Variants in HLF observed in about 807,000 individuals in gnomAD.
HLF encodes HLF transcription factor, PAR bZIP family member.
HLF carries 3 observed loss-of-function variants against 22.6 expected under a neutral mutation model. That is an observed-to-expected ratio of 0.13 (90% CI 0.06 to 0.34). The LOEUF (loss-of-function observed/expected upper bound fraction) is 0.34, where lower values mean the gene tolerates loss of function less well. Among genes scored for constraint, HLF ranks in the 10% least tolerant of loss-of-function variants. HLF has a pLI of 1.00. For synonymous variants in HLF, 151 were observed against 151.8 expected, an observed-to-expected ratio of 0.99 and a Z score of 0.04; for missense variants, 299 against 389.2, an observed-to-expected ratio of 0.77 and a Z score of 1.95.
rs1905402251 is a variant in HLF at position 55,324,814 on chromosome 17, CATGTGTGTGTGT to C, written c.*3936_*3947del. On this transcript the variant is annotated 3_prime_UTR_variant, in exon 4 of 4. Coordinates refer to ENST00000226067, the MANE Select transcript of HLF (RefSeq NM_002126.5). ...GAGTGTGTGTGTGTGTGTGTGCGTGCATGTGTGTGTGTGTGTATGTGTGTGAATAAGTCGACA... is the reference window on the plus strand; with the variant it reads ...GAGTGTGTGTGTGTGTGTGTGCGTGCGTGTATGTGTGTGAATAAGTCGACA... 3.5e-5 allele frequency: 8 copies of C among 225,590 alleles called. No homozygotes were observed. The highest frequency in any genetic ancestry group is 6.9e-5 in the Non-Finnish European group (8 of 115,460). The allele number at this position is 225,590 out of a possible 1,614,324, so 14.0% of individuals were successfully genotyped here.
At chr17:55,303,410 G>A (rs1904390342) in intron 2 of HLF, among the ~76,000 whole-genome samples, 2 of 152,192 alleles carry the variant, frequency 1.3e-5, no homozygotes, top group African/African-American at 4.8e-5. Flanking sequence ...TTCCCTGCAA[G>A]TACAGAGGAA....
At chr17:55,267,053 T>TA (rs2080798891) in intron 1 of HLF, among the ~76,000 whole-genome samples, 1 of 152,216 alleles carries the variant, frequency 6.6e-6, no homozygotes, top group African/African-American at 2.4e-5. Flanking sequence ...CCAGTGGCTT[T>TA]AGAAGCAAAC....
In HLF at chr17:55,322,228, CTG is replaced by C. The variant is rs906073898; in HGVS notation, c.*1352_*1353del. 4.5e-5 allele frequency: 9 copies of C among 200,500 alleles called. No individual in the cohort carries two copies. The highest frequency in any genetic ancestry group is 1.8e-4 in the African/African-American group (8 of 43,488). 12.4% of individuals were successfully genotyped at this position (200,500 alleles called of 1,614,324 possible). ...CAGAAGGGGATGGTGTTGTCACAAACTGTGGTTAATCCAATCAATTTAAATGT... is the reference window on the plus strand; with the variant it reads ...CAGAAGGGGATGGTGTTGTCACAAACTGGTTAATCCAATCAATTTAAATGT... On this transcript the variant is annotated 3_prime_UTR_variant, in exon 4 of 4. Coordinates refer to ENST00000226067, the MANE Select transcript of HLF (RefSeq NM_002126.5).
At chr17:55,282,587 A>G (rs941218793) in intron 2 of HLF, among the ~76,000 whole-genome samples, 1 of 152,232 alleles carries the variant, frequency 6.6e-6, no homozygotes, top group African/African-American at 2.4e-5. Flanking sequence ...ACTTGGAGTC[A>G]GCCAATCTAG....
intron 2 of HLF, among the ~76,000 whole-genome samples, chr17:55,287,800 G>C (rs984965749): frequency 2.6e-5 from 4 of 152,208 alleles, no homozygotes; most frequent in African/African-American, 7.2e-5. Flanking sequence ...ACTCCCTGTT[G>C]TTGACTTGCA....
rs569696490 is a variant in HLF, at chr17:55,314,606, T to C, written c.452-621T>C. 2.6e-5 allele frequency among the ~76,000 whole-genome samples: 4 copies of C among 152,378 alleles called. No homozygotes were observed. The South Asian group carries it at 8.3e-4, about 32-fold the overall frequency. On this transcript the variant is annotated intron_variant, in intron 2 of 3. Transcript: ENST00000226067. ...CCCACTCTGTTTTCTTCTGATTCAA[T>C]GTGACAGCTACCCAAGACTATACGT...
intron 2 of HLF, among the ~76,000 whole-genome samples, chr17:55,309,880 T>C (rs1179109441): frequency 3.9e-5 from 6 of 152,184 alleles, no homozygotes; most frequent in African/African-American, 7.2e-5. Context: ...ATTTGTGACT[T>C]TGATGCAGAC....
chr17:55,278,003 T>C (rs2145310295), intron 2 of HLF, among the ~76,000 whole-genome samples: 1 of 152,310 alleles, frequency 6.6e-6, no homozygotes, highest in Non-Finnish European at 1.5e-5. Context: ...TCCAATCTCA[T>C]TTTCTTTCCT....
chr17:55,299,835 TC>T (rs35218944), intron 2 of HLF, among the ~76,000 whole-genome samples: 6,846 of 152,060 alleles, frequency 0.045, 227 homozygotes, highest in African/African-American at 0.096. Flanking sequence ...TTGCTTTTTT[TC>T]CTTCTTCTTT....
At chr17:55,288,916 G>A in intron 2 of HLF, 2 of 985,362 alleles carry the variant, frequency 2.0e-6, no homozygotes, top group Non-Finnish European at 2.4e-6. Flanking sequence ...CAGCCTGCAT[G>A]TTCCCAGATC....
chr17:55,319,359 G>C (rs1291109392), intron 3 of HLF, among the ~76,000 whole-genome samples: 3 of 152,182 alleles, frequency 2.0e-5, no homozygotes, highest in Non-Finnish European at 4.4e-5. Flanking sequence ...GCACTGGCCT[G>C]ACCCATTTAT....
intron 2 of HLF, among the ~76,000 whole-genome samples, chr17:55,276,867 A>G (rs2080908674): frequency 6.6e-6 from 1 of 152,244 alleles, no homozygotes; most frequent in Non-Finnish European, 1.5e-5. Flanking sequence ...ACTTGACAAT[A>G]GTTTCCTCTG....
intron 2 of HLF, among the ~76,000 whole-genome samples, chr17:55,290,008 T>A (rs921446149): frequency 6.6e-6 from 1 of 152,210 alleles, no homozygotes; most frequent in Non-Finnish European, 1.5e-5. Context: ...AATTCCAAGA[T>A]ATTTCGCTTT....
At chr17:55,311,676 T>A (rs1411130362) in intron 2 of HLF, among the ~76,000 whole-genome samples, 1 of 152,206 alleles carries the variant, frequency 6.6e-6, no homozygotes, top group East Asian at 1.9e-4. Context: ...AATTTATTAT[T>A]ATTTTTAATT....
In HLF at chr17:55,323,701, A is replaced by G. The variant is rs575475132; in HGVS notation, c.*2822A>G. Reference sequence around the variant, plus strand: ...TCCATCCAGGGCAGTTAACTAGCAAACAAGGCAGATCTGCTTCATGGAGCG... The same window carrying G: ...TCCATCCAGGGCAGTTAACTAGCAAGCAAGGCAGATCTGCTTCATGGAGCG... On this transcript the variant is annotated 3_prime_UTR_variant, in exon 4 of 4. Transcript: ENST00000226067. The G allele has an allele frequency of 8.2e-4, 189 of 229,990 alleles. No homozygotes were observed. The highest frequency in any genetic ancestry group is 3.9e-3 in the African/African-American group (178 of 45,224). The allele number at this position is 229,990 out of a possible 1,614,324, so 14.2% of individuals were successfully genotyped here.
At chr17:55,310,131 C>T (rs1174969471) in intron 2 of HLF, among the ~76,000 whole-genome samples, 1 of 152,196 alleles carries the variant, frequency 6.6e-6, no homozygotes, top group African/African-American at 2.4e-5. Context: ...TATTCTTTTT[C>T]CAGATTTCTT....
intron 3 of HLF, among the ~76,000 whole-genome samples, chr17:55,316,857 G>A (rs550048398): frequency 4.6e-5 from 7 of 152,176 alleles, no homozygotes; most frequent in African/African-American, 1.7e-4. Flanking sequence ...AGACTGAGAT[G>A]GGGTAAAAAA....
At position 55,277,008 on chromosome 17, in the gene HLF, A is replaced by G. The variant is rs2080909588; in HGVS notation, c.451+8922A>G. 3.3e-5 allele frequency among the ~76,000 whole-genome samples: 5 copies of G among 152,318 alleles called. No homozygotes were observed. The South Asian group carries it at 1.0e-3, about 32-fold the overall frequency. ...TTCAAAAACACAGGGTTTAGGTTTCATTTATAAAACCCATAATTTTGGTGA... is the reference window on the plus strand; with the variant it reads ...TTCAAAAACACAGGGTTTAGGTTTCGTTTATAAAACCCATAATTTTGGTGA... On this transcript the variant is annotated intron_variant, in intron 2 of 3. Coordinates refer to ENST00000226067, the MANE Select transcript of HLF (RefSeq NM_002126.5).
intron 2 of HLF, among the ~76,000 whole-genome samples, chr17:55,296,187 A>T (rs979788094): frequency 1.3e-5 from 2 of 152,174 alleles, no homozygotes; most frequent in African/African-American, 4.8e-5. Context: ...TGGTTTCCTT[A>T]CAAGGTAGGG....
Sources: gnomAD v4.1 joint callset for allele counts (sites outside exome capture counted in the v4.1 genomes callset) on GRCh38, gnomAD v4.1.1 for gene constraint, MANE v1.5 for transcripts, NCBI Gene and HGNC (gene_info 2026-07-23, HGNC 2026-07-21) for gene names.